PCDH15: variants seen among roughly 807,000 people sequenced by gnomAD.
PCDH15 encodes protocadherin related 15, also known as protocadherin-15.
PCDH15 carries 129 observed loss-of-function variants against 178.5 expected under a neutral mutation model. That is an observed-to-expected ratio of 0.72 (90% CI 0.63 to 0.84). The LOEUF (loss-of-function observed/expected upper bound fraction) is 0.84. PCDH15 is among the 40% of genes least tolerant of loss of function. PCDH15 has a pLI of 0.00. For synonymous variants in PCDH15, 800 were observed against 732.0 expected, an observed-to-expected ratio of 1.09 and a Z score of -1.50; for missense variants, 2,230 against 2,099.9, an observed-to-expected ratio of 1.06 and a Z score of -1.21.
chr10:54,259,356 A>G (rs1227945914), intron 8 of PCDH15, among the ~76,000 whole-genome samples: 1 of 152,196 alleles, frequency 6.6e-6, no homozygotes. Context: ...GAATGGATTC[A>G]GAATCAGCAT....
At chr10:55,327,231 A>G (rs1380028127) in intron 2 of PCDH15, among the ~76,000 whole-genome samples, 1 of 152,068 alleles carries the variant, frequency 6.6e-6, no homozygotes, top group Non-Finnish European at 1.5e-5. Context: ...ATGAACCAGG[A>G]TGTGAGCTCT....
In PCDH15 at chr10:55,018,808, T is replaced by C. The variant is rs1478914842; in HGVS notation, c.-79-121308A>G. On this transcript the variant is annotated intron_variant, in intron 2 of 5. Transcript: ENST00000458638. ...TAGAACATTTTGTTGACATTGAGGC[T>C]AGATGTTGTGGAATTCCCAAATTAT... is the stretch of plus-strand genomic sequence containing the variant. Among the ~76,000 whole-genome samples, 3 of 152,280 alleles carry C rather than the reference T, an allele frequency of 2.0e-5. No individual in the cohort carries two copies. In the East Asian group the frequency reaches 5.8e-4, roughly 29 times the overall value.
intron 18 of PCDH15, among the ~76,000 whole-genome samples, chr10:54,063,783 C>T (rs369692460): frequency 1.3e-5 from 2 of 152,132 alleles, no homozygotes; most frequent in Admixed American, 6.6e-5. Flanking sequence ...TAGCCACGCA[C>T]GCTAGCTGCT....
chr10:54,704,799 T>C (rs1433039877), intron 1 of PCDH15, among the ~76,000 whole-genome samples: 1 of 152,132 alleles, frequency 6.6e-6, no homozygotes, highest in African/African-American at 2.4e-5. Context: ...AGAACTACCA[T>C]TTGGTTCAAC....
At chr10:55,513,465 G>T (rs1002179340) in intron 2 of PCDH15, among the ~76,000 whole-genome samples, 4 of 151,870 alleles carry the variant, frequency 2.6e-5, no homozygotes, top group African/African-American at 9.7e-5. Context: ...TCATATTAAA[G>T]ATATTTTTTA....
intron 2 of PCDH15, among the ~76,000 whole-genome samples, chr10:54,905,748 A>G (rs548294811): frequency 6.6e-6 from 1 of 152,114 alleles, no homozygotes; most frequent in Non-Finnish European, 1.5e-5. Context: ...ATGGACAAGA[A>G]CAGGGGTTGA....
chr10:54,249,167 G>T (rs1009321450), intron 8 of PCDH15, among the ~76,000 whole-genome samples: 1 of 151,776 alleles, frequency 6.6e-6, no homozygotes, highest in Non-Finnish European at 1.5e-5. Flanking sequence ...CTAATTGTCC[G>T]TATATAAACA....
chr10:54,579,544 T>C (rs1446051024), intron 2 of PCDH15, among the ~76,000 whole-genome samples: 1 of 151,992 alleles, frequency 6.6e-6, no homozygotes, highest in East Asian at 1.9e-4. Flanking sequence ...ATGGGAGACC[T>C]CAACACATCA....
intron 17 of PCDH15, among the ~76,000 whole-genome samples, chr10:54,077,220 C>G (rs1376864901): frequency 1.3e-5 from 2 of 151,974 alleles, no homozygotes; most frequent in African/African-American, 4.8e-5. Context: ...AATTTTAAAG[C>G]AAAATGAAAC....
At chr10:54,851,288 A>C (rs1591741518) in intron 3 of PCDH15, among the ~76,000 whole-genome samples, 1 of 152,266 alleles carries the variant, frequency 6.6e-6, no homozygotes, top group East Asian at 1.9e-4. Context: ...TTTTAAAAAA[A>C]TTAGTCAAAA....
chr10:54,268,551 G>A (rs1053970675), intron 8 of PCDH15, among the ~76,000 whole-genome samples: 1 of 151,858 alleles, frequency 6.6e-6, no homozygotes, highest in Non-Finnish European at 1.5e-5. Context: ...AAACTGTGAT[G>A]CATATATACC....
chr10:55,119,388 C>T (rs1057190432), intron 2 of PCDH15, among the ~76,000 whole-genome samples: 1 of 152,010 alleles, frequency 6.6e-6, no homozygotes, highest in African/African-American at 2.4e-5. Context: ...TGGACTGACA[C>T]ACAGAAAGGC....
rs191961227 is a variant in PCDH15 at position 54,140,944 on chromosome 10, A to G, written c.1785-7937T>C. 4.6e-3 allele frequency among the ~76,000 whole-genome samples: 697 copies of G among 151,942 alleles called. 10 individuals are homozygous for G. Among genetic ancestry groups the G allele is most frequent in the African/African-American group, 0.016 (644 of 41,458 alleles). ...TGATCCCCTCTCCTCTGCCTCCCCAACTGTTGGGATTACAGGCATGAGCCA... is the reference window on the plus strand; with the variant it reads ...TGATCCCCTCTCCTCTGCCTCCCCAGCTGTTGGGATTACAGGCATGAGCCA... On this transcript the variant is annotated intron_variant, in intron 14 of 37. Transcript: ENST00000644397.
At chr10:54,388,779 AGCACAT>A (rs1287141738) in intron 3 of PCDH15, among the ~76,000 whole-genome samples, 1 of 152,184 alleles carries the variant, frequency 6.6e-6, no homozygotes, top group Admixed American at 6.5e-5. Flanking sequence ...ACGTTCTCTG[AGCACAT>A]GAATGTTGTT....
chr10:54,393,366 T>G (rs1950790180), intron 3 of PCDH15, among the ~76,000 whole-genome samples: 1 of 152,218 alleles, frequency 6.6e-6, no homozygotes, highest in Non-Finnish European at 1.5e-5. Context: ...AATACAGATC[T>G]ATCAACAGGA....
intron 2 of PCDH15, among the ~76,000 whole-genome samples, chr10:55,033,913 A>C (rs1027617144): frequency 1.3e-5 from 2 of 152,070 alleles, no homozygotes; most frequent in Non-Finnish European, 2.9e-5. Flanking sequence ...ATGGGATTAG[A>C]TGTCTTTATT....
intron 2 of PCDH15, among the ~76,000 whole-genome samples, chr10:54,970,470 A>G (rs529807893): frequency 6.6e-6 from 1 of 152,322 alleles, no homozygotes; most frequent in South Asian, 2.1e-4. Flanking sequence ...TGATTAGAAC[A>G]TTGGTGAAAA....
intron 2 of PCDH15, among the ~76,000 whole-genome samples, chr10:55,005,226 A>ATC (rs1554822292): frequency 6.8e-6 from 1 of 146,522 alleles, no homozygotes; most frequent in African/African-American, 2.5e-5. Flanking sequence ...TAATAATAAT[A>ATC]ATCAATGGAG....
intron 8 of PCDH15, among the ~76,000 whole-genome samples, chr10:54,254,794 C>T (rs2056772577): frequency 6.6e-6 from 1 of 152,188 alleles, no homozygotes; most frequent in South Asian, 2.1e-4. Context: ...GATGCTGATG[C>T]CTGTAAGGCA....
Sources: allele counts gnomAD v4.1 joint callset (sites outside exome capture counted in the v4.1 genomes callset), GRCh38; gene constraint gnomAD v4.1.1; transcripts MANE v1.5; gene names NCBI Gene and HGNC (gene_info 2026-07-23, HGNC 2026-07-21).